The following ACSS2 variants were observed in gnomAD, a reference collection of about 807,000 sequenced individuals.
ACSS2 encodes the protein acyl-CoA synthetase short chain family member 2, also known as acetyl-coenzyme A synthetase, cytoplasmic.
A neutral mutation model predicts 90.6 loss-of-function variants in ACSS2; 58 were observed. The observed-to-expected ratio is 0.64, with a 90% CI of 0.52 to 0.80. The LOEUF (loss-of-function observed/expected upper bound fraction) is 0.80. Ranked by LOEUF, ACSS2 falls within the 30% of genes least tolerant of loss-of-function variation. The pLI is 0.00. For synonymous variants in ACSS2, 300 were observed against 330.9 expected (o/e 0.91, Z 1.01); for missense variants, 759 against 912.0 (o/e 0.83, Z 2.16).
chr20:34,914,614 G>C (rs1160999032), intron 7 of ACSS2, among the ~76,000 whole-genome samples, 177 bp downstream of exon 7: 1 of 152,200 alleles, frequency 6.6e-6, no homozygotes, highest in East Asian at 1.9e-4. Flanking sequence ...GACCTTGACT[G>C]TGGGTAGAGA....
At chr20:34,881,862 T>C (rs570868016) in intron 1 of ACSS2, among the ~76,000 whole-genome samples, 1 of 152,286 alleles carries the variant, frequency 6.6e-6, no homozygotes, top group South Asian at 2.1e-4. Context: ...AAAGAAACAT[T>C]TGGCACATAG....
chr20:34,900,166 C>CTTTTTTTTTT (rs34951413), intron 2 of ACSS2, among the ~76,000 whole-genome samples: 1 of 79,198 alleles, frequency 1.3e-5, no homozygotes, highest in Non-Finnish European at 2.4e-5. Context: ...CATGCCTGAC[C>CTTTTTTTTTT]TTTTTTTTTT....
At position 34,897,946 on chromosome 20, in the gene ACSS2, T is replaced by C. The variant is rs1239793817; in HGVS notation, c.374+14957T>C. On this transcript the variant is annotated intron_variant, in intron 2 of 17. Transcript: ENST00000360596. ...GTGTCCGGAATTGGTGGGTTCTTGG[T>C]CTCACTGACTTCAAGAATGAAGCCG... is the stretch of plus-strand genomic sequence containing the variant. Among the ~76,000 whole-genome samples the C allele has an allele frequency of 2.0e-5, 3 of 152,188 alleles. No homozygotes were observed. The East Asian group carries it at 5.8e-4, about 29-fold the overall frequency.
At chr20:34,917,244 T>C (rs1323084882) in intron 7 of ACSS2, among the ~76,000 whole-genome samples, 1 of 152,232 alleles carries the variant, frequency 6.6e-6, no homozygotes, top group Non-Finnish European at 1.5e-5. Flanking sequence ...ATACTTCTGG[T>C]TGAATACCTT....
chr20:34,913,321 G>A, intron 3 of ACSS2, 72 bp from the exon 4 acceptor site: 1 of 1,548,824 alleles, frequency 6.5e-7, no homozygotes, highest in Non-Finnish European at 8.9e-7. Context: ...TGGGAGGGAG[G>A]CCAGCTGGAT....
At chr20:34,915,191 A>G in intron 7 of ACSS2, 1 of 1,613,624 alleles carries the variant, frequency 6.2e-7, no homozygotes, top group Non-Finnish European at 8.5e-7. Flanking sequence ...CCTCCTCACT[A>G]CCCTTTTCAT....
At chr20:34,904,455 T>A (rs1447441461) in intron 2 of ACSS2, among the ~76,000 whole-genome samples, 3 of 152,010 alleles carry the variant, frequency 2.0e-5, no homozygotes, top group African/African-American at 7.2e-5. Context: ...GAGAGAATAG[T>A]TGTATGTGAG....
intron 2 of ACSS2, among the ~76,000 whole-genome samples, chr20:34,906,466 A>G (rs902340950): frequency 1.6e-4 from 25 of 152,056 alleles, no homozygotes; most frequent in African/African-American, 5.3e-4. Context: ...GAAAGAAGAC[A>G]CTGGAATGAG....
intron 13 of ACSS2, among the ~76,000 whole-genome samples, chr20:34,922,576 C>G (rs918008181): frequency 1.1e-4 from 17 of 152,300 alleles, no homozygotes; most frequent in African/African-American, 4.1e-4. Flanking sequence ...TGCACTTCAT[C>G]CTGGGCAACA....
intron 7 of ACSS2, among the ~76,000 whole-genome samples, chr20:34,914,918 G>A (rs1484012306): frequency 6.6e-6 from 1 of 152,122 alleles, no homozygotes; most frequent in Admixed American, 6.6e-5. Context: ...GCCCAGTGAT[G>A]GCCTCCAGGC....
rs2081206017 is a variant in ACSS2 at position 34,921,771 on chromosome 20, C to T, written c.1468-15C>T. The T allele has an allele frequency of 1.9e-6, 3 of 1,612,868 alleles. No homozygotes were observed. Among genetic ancestry groups the T allele is most frequent in the Non-Finnish European group, 1.7e-6 (2 of 1,179,550 alleles). ...TCATTCCTCTTCTTGGGTTCTGTCTCCCGTTTGCTTCTAGACTTTCCCATT... is the reference window on the plus strand; with the variant it reads ...TCATTCCTCTTCTTGGGTTCTGTCTTCCGTTTGCTTCTAGACTTTCCCATT... On this transcript the variant is annotated splice_polypyrimidine_tract_variant and intron_variant, in intron 12 of 17. Transcript: ENST00000360596.
intron 2 of ACSS2, among the ~76,000 whole-genome samples, chr20:34,893,026 A>G (rs2080372324): frequency 6.6e-6 from 1 of 152,178 alleles, no homozygotes. Flanking sequence ...TATTCCAGCT[A>G]TGGTCTGACT....
intron 1 of ACSS2, among the ~76,000 whole-genome samples, chr20:34,877,513 T>G (rs972544006): frequency 1.3e-5 from 2 of 152,136 alleles, no homozygotes; most frequent in Non-Finnish European, 2.9e-5. Flanking sequence ...GTTCCATGTC[T>G]GTTAAAATGT....
At chr20:34,900,076 C>T (rs2080610794) in intron 2 of ACSS2, among the ~76,000 whole-genome samples, 1 of 151,348 alleles carries the variant, frequency 6.6e-6, no homozygotes, top group African/African-American at 2.4e-5. Context: ...GCACTTGTTA[C>T]TGTCTGTTTG....
Position 34,927,271 on chromosome 20 carries a change from T to C in ACSS2, c.*57T>C. 1 of 1,603,444 alleles carries C rather than the reference T, an allele frequency of 6.2e-7. No individual in the cohort carries two copies. Among genetic ancestry groups the C allele is most frequent in the Non-Finnish European group, 8.5e-7 (1 of 1,178,276 alleles). On this transcript the variant is annotated 3_prime_UTR_variant, in exon 18 of 18. Coordinates refer to ENST00000360596, the MANE Select transcript of ACSS2 (RefSeq NM_018677.4). This position sits in a 1 kb window ranked among gnomAD's most constrained non-coding sequence, Gnocchi z 4.2. Reference sequence around the variant, plus strand: ...CTGCTCCAAACTTTGCCCATCCTCTTTGCCCCCTCAGGAGTGCTGAGGGCC... The same window carrying C: ...CTGCTCCAAACTTTGCCCATCCTCTCTGCCCCCTCAGGAGTGCTGAGGGCC...
At chr20:34,876,556 C>T, upstream of ACSS2, 1 of 1,276,660 alleles carries the variant, frequency 7.8e-7, no homozygotes, top group Non-Finnish European at 1.0e-6. Flanking sequence ...CGCCCCTCTA[C>T]GGAGGCCCCG....
chr20:34,913,280 A>C (rs2081003835), intron 3 of ACSS2, 93 bp downstream of exon 3: 31 of 1,556,158 alleles, frequency 2.0e-5, no homozygotes, highest in Middle Eastern at 3.4e-4. Flanking sequence ...GATGGAAAGA[A>C]TTTGGTAACA....
intron 2 of ACSS2, among the ~76,000 whole-genome samples, chr20:34,903,544 A>G (rs2080722278): frequency 6.6e-6 from 1 of 152,066 alleles, no homozygotes; most frequent in South Asian, 2.1e-4. Context: ...TCCACAAAAT[A>G]AACAGTTCAG....
chr20:34,895,141 C>G (rs2080432434), intron 2 of ACSS2, among the ~76,000 whole-genome samples: 1 of 152,024 alleles, frequency 6.6e-6, no homozygotes, highest in Non-Finnish European at 1.5e-5. Flanking sequence ...TTATGTAACT[C>G]TTGACATAAT....
Sources: allele counts gnomAD v4.1 joint callset (sites outside exome capture counted in the v4.1 genomes callset), GRCh38; gene constraint gnomAD v4.1.1; non-coding constraint Gnocchi (gnomAD v3.1); transcripts MANE v1.5; gene names NCBI Gene and HGNC (gene_info 2026-07-23, HGNC 2026-07-21).